EHBP1: variants seen among roughly 807,000 people sequenced by gnomAD.
The protein encoded by EHBP1 is EH domain binding protein 1.
Under a neutral mutation model 144.0 loss-of-function variants are expected in EHBP1, and 55 were observed. The ratio of observed to expected loss-of-function variants is 0.38; its 90% CI spans 0.31 to 0.48. The LOEUF is 0.48. Among genes scored for constraint, EHBP1 ranks in the 20% least tolerant of loss-of-function variants. EHBP1 has a pLI of 0.98. For synonymous variants in EHBP1, 469 were observed against 472.7 expected (o/e 0.99, Z 0.10); for missense variants, 1,200 against 1,364.2 (o/e 0.88, Z 1.90).
At chr2:63,038,223 A>G (rs1427705226) in intron 20 of EHBP1, among the ~76,000 whole-genome samples, 1 of 152,102 alleles carries the variant, frequency 6.6e-6, no homozygotes, top group African/African-American at 2.4e-5. Context: ...TATGCCACCT[A>G]GCGTGAGAAT....
chr2:62,905,961 T>A (rs2053778171), intron 10 of EHBP1, among the ~76,000 whole-genome samples: 1 of 152,094 alleles, frequency 6.6e-6, no homozygotes, highest in Admixed American at 6.5e-5. Context: ...GGAAAGTAGA[T>A]AAATATAAGA....
rs369639047 is a variant in EHBP1 at position 62,815,726 on chromosome 2, G to A, written c.313-10361G>A. On this transcript the variant is annotated intron_variant, in intron 5 of 22. Transcript: ENST00000431489. ...ATTATATGTCAATGACAAAGTTTGA[G>A]CTTTCAATTGAAAATTAGAGACCTT... is the stretch of plus-strand genomic sequence containing the variant. 2.1e-4 allele frequency among the ~76,000 whole-genome samples: 32 copies of A among 152,292 alleles called. 1 individual carries two copies. The highest frequency in any genetic ancestry group is 7.2e-4 in the African/African-American group (30 of 41,566).
rs200523497 is a variant in EHBP1 at position 62,948,599 on chromosome 2, G to A, written c.1753G>A (p.Gly585Arg). The A allele has an allele frequency of 4.1e-4, 658 of 1,613,814 alleles. No homozygotes were observed. Among genetic ancestry groups the A allele is most frequent in the Non-Finnish European group, 5.3e-4 (625 of 1,179,976 alleles). Residue 585 changes from glycine (G) to arginine (R), a missense_variant, in exon 13 of 23, where the codon GGG (glycine) becomes AGG (arginine). By Grantham distance (125) the Gly-to-Arg change is moderately radical (BLOSUM62 -2). This residue lies in a region of EHBP1 where 543 missense variants were observed against 513.1 expected (regional missense o/e 1.06). Transcript: ENST00000431489. ...QDDSVFVNDS[G>R]VGESESEHQT... Reference sequence around the variant, plus strand: ...TGACTCTGTATTTGTAAATGATAGCGGGGTTGGAGAGTCAGAAAGTGAGCA... The same window carrying A: ...TGACTCTGTATTTGTAAATGATAGCAGGGTTGGAGAGTCAGAAAGTGAGCA...
At chr2:62,682,683 C>T (rs775433818) in intron 1 of EHBP1, among the ~76,000 whole-genome samples, 7 of 152,174 alleles carry the variant, frequency 4.6e-5, no homozygotes, top group East Asian at 1.9e-4. Flanking sequence ...GAGCTCTTAA[C>T]GAGGTCATAA....
At chr2:62,730,062 C>T (rs2037358853) in intron 2 of EHBP1, among the ~76,000 whole-genome samples, 1 of 152,010 alleles carries the variant, frequency 6.6e-6, no homozygotes, top group African/African-American at 2.4e-5. Context: ...GACTACTGTT[C>T]TATCTAGTTT....
chr2:62,774,214 T>C (rs1039801207), intron 5 of EHBP1, among the ~76,000 whole-genome samples: 1 of 151,760 alleles, frequency 6.6e-6, no homozygotes, highest in Non-Finnish European at 1.5e-5. Flanking sequence ...CTACTAAAAA[T>C]ACAAAAATTA....
rs1327469065 is a variant in EHBP1, at chr2:62,997,427, CATGTGTGTGT to C, written c.3103+662_3103+671del. Among the ~76,000 whole-genome samples, 372 of 139,974 alleles carry C rather than the reference CATGTGTGTGT, an allele frequency of 2.7e-3. 2 individuals carry two copies. The highest frequency in any genetic ancestry group is 5.2e-3 in the African/African-American group (195 of 37,362). 91.8% of individuals were successfully genotyped at this position (139,974 alleles called of 152,430 possible). On this transcript the variant is annotated intron_variant, in intron 19 of 22. Coordinates refer to ENST00000431489, the MANE Select transcript of EHBP1 (RefSeq NM_001142616.3). ...CACAATAAGCAATTGGAAAGGAACT[CATGTGTGTGT>C]GTGTGTGTGTGTGTGTGTGTGTGTG...
Position 62,729,426 on chromosome 2 carries a change from T to TA in EHBP1, c.105-17968dup, listed in dbSNP as rs1298033527. ...AATAAATATAATAATAATAATATAA[T>TA]ATAATAATAATAAATATAATAATAA... On this transcript the variant is annotated intron_variant, in intron 2 of 22. Coordinates refer to ENST00000431489, the MANE Select transcript of EHBP1 (RefSeq NM_001142616.3). Among the ~76,000 whole-genome samples the TA allele has an allele frequency of 4.9e-3, 433 of 89,120 alleles. 3 individuals carry two copies. The highest frequency in any genetic ancestry group is 8.2e-3 in the Middle Eastern group (1 of 122). The allele number at this position is 89,120 out of a possible 152,430, so 58.5% of individuals were successfully genotyped here.
intron 21 of EHBP1, among the ~76,000 whole-genome samples, chr2:63,042,131 C>G (rs1176313848): frequency 6.6e-6 from 1 of 152,266 alleles, no homozygotes; most frequent in Admixed American, 6.5e-5. Context: ...CAAAAGTACA[C>G]TGGAATCTTT....
chr2:62,884,131 AT>A (rs1346053090), intron 10 of EHBP1, among the ~76,000 whole-genome samples: 5 of 152,230 alleles, frequency 3.3e-5, no homozygotes, highest in Non-Finnish European at 5.9e-5. Flanking sequence ...GGTCACATAC[AT>A]TTCCAAAGGA....
At chr2:62,975,703 G>C (rs2058677781) in intron 14 of EHBP1, among the ~76,000 whole-genome samples, 1 of 151,842 alleles carries the variant, frequency 6.6e-6, no homozygotes, top group African/African-American at 2.4e-5. Context: ...GGGCAACACA[G>C]GGAGACCCTG....
chr2:62,841,499 TA>T (rs542316453), intron 7 of EHBP1, among the ~76,000 whole-genome samples: 242 of 151,936 alleles, frequency 1.6e-3, no homozygotes, highest in African/African-American at 4.9e-3. Context: ...AAAATAAAAA[TA>T]AAAAAAATAA....
At chr2:62,943,680 C>T in intron 11 of EHBP1, 122 bp from the exon 12 acceptor site, 1 of 492,978 alleles carries the variant, frequency 2.0e-6, no homozygotes, top group Non-Finnish European at 3.6e-6. Flanking sequence ...GATTGAATTG[C>T]TGTGAAATTG....
Position 62,948,837 on chromosome 2 carries a change from A to G in EHBP1, c.1991A>G (p.Asp664Gly). The G allele has an allele frequency of 6.2e-7, 1 of 1,614,154 alleles. No homozygotes were observed. Among genetic ancestry groups the G allele is most frequent in the Non-Finnish European group, 8.5e-7 (1 of 1,179,998 alleles). ...AAAGCTGAGACTTTAGAATTGAGTGACTTATATGTTAGTGATAAGAAGAAG... is the reference window on the plus strand; with the variant it reads ...AAAGCTGAGACTTTAGAATTGAGTGGCTTATATGTTAGTGATAAGAAGAAG... ...LLKAETLELS[D>G]LYVSDKKKDM... The change falls in exon 13 of 23, where the codon GAC becomes GGC. Residue 664 changes from aspartate (D) to glycine (G), a missense_variant. Physicochemically the swap from Asp to Gly is moderately conservative, Grantham distance 94. Coordinates refer to ENST00000431489, the MANE Select transcript of EHBP1 (RefSeq NM_001142616.3).
intron 10 of EHBP1, among the ~76,000 whole-genome samples, chr2:62,880,333 C>G (rs1447377168): frequency 7.0e-6 from 1 of 142,186 alleles, no homozygotes; most frequent in Non-Finnish European, 1.5e-5. Context: ...ACAAAAACTC[C>G]AGTAGCAATT....
At chr2:62,826,322 G>T in intron 6 of EHBP1, 54 bp downstream of exon 6, 1 of 1,461,128 alleles carries the variant, frequency 6.8e-7, no homozygotes, top group Non-Finnish European at 9.1e-7. Flanking sequence ...GTACACCATA[G>T]CTTTTGACTC....
intron 9 of EHBP1, among the ~76,000 whole-genome samples, chr2:62,870,109 C>G (rs2050342528): frequency 6.6e-6 from 1 of 152,064 alleles, no homozygotes; most frequent in African/African-American, 2.4e-5. Context: ...TTTCAAAACA[C>G]TCTATATGTG....
intron 10 of EHBP1, among the ~76,000 whole-genome samples, chr2:62,889,360 C>G (rs770236905): frequency 6.6e-6 from 1 of 151,634 alleles, no homozygotes; most frequent in Non-Finnish European, 1.5e-5. Flanking sequence ...TCTGTTTACT[C>G]TATTGATAGT....
intron 8 of EHBP1, among the ~76,000 whole-genome samples, chr2:62,864,051 T>G (rs2049857698): frequency 2.0e-5 from 3 of 152,020 alleles, no homozygotes; most frequent in Admixed American, 1.3e-4. Flanking sequence ...TTCACCATGT[T>G]GGCCAGGCTG....
Sources: gnomAD v4.1 joint callset for allele counts (sites outside exome capture counted in the v4.1 genomes callset) on GRCh38, gnomAD v4.1.1 for gene constraint, gnomAD v4.1.1 regional missense constraint, MANE v1.5 for transcripts, NCBI Gene and HGNC (gene_info 2026-07-23, HGNC 2026-07-21) for gene names.